Variants in ADCY8 observed in about 807,000 individuals in gnomAD.
The protein encoded by ADCY8 is adenylate cyclase 8.
In ADCY8, 51 loss-of-function variants were observed where a neutral mutation model predicts 119.7. That is an observed-to-expected ratio of 0.43 (90% CI 0.34 to 0.54). ADCY8 has a LOEUF of 0.54. Among genes scored for constraint, ADCY8 ranks in the 20% least tolerant of loss-of-function variants. ADCY8 has a pLI of 0.03. For synonymous variants in ADCY8, 665 were observed against 651.0 expected, an observed-to-expected ratio of 1.02 and a Z score of -0.33; for missense variants, 1,383 against 1,598.8, an observed-to-expected ratio of 0.87 and a Z score of 2.30.
Position 130,793,801 on chromosome 8 carries a change from C to G in ADCY8, c.3060+6625G>C, listed in dbSNP as rs573993753. On this transcript the variant is annotated intron_variant, in intron 15 of 17. Transcript: ENST00000286355. ...AAGATCATAAGTGCACCTCTCCCTT[C>G]CTTTTAAACAAACTTACATTTTATC... Among the ~76,000 whole-genome samples, 7 of 152,292 alleles carry G rather than the reference C, an allele frequency of 4.6e-5. No individual in the cohort carries two copies. In the South Asian group the frequency reaches 6.2e-4, roughly 14 times the overall value.
chr8:130,894,811 A>G (rs1819327646), intron 7 of ADCY8, among the ~76,000 whole-genome samples: 1 of 152,218 alleles, frequency 6.6e-6, no homozygotes, highest in South Asian at 2.1e-4. Flanking sequence ...GTGTTTGTGT[A>G]GAGCAGGAAA....
In ADCY8 at chr8:131,039,701, G is replaced by C; in HGVS notation, c.633C>G (p.Leu211=). 1 of 1,614,152 alleles carries C rather than the reference G, an allele frequency of 6.2e-7. No homozygotes were observed. The highest frequency in any genetic ancestry group is 1.1e-5 in the South Asian group (1 of 91,084). Residue 211 remains leucine, a synonymous_variant, in exon 1 of 18, where the codon CTC becomes CTG. Coordinates refer to ENST00000286355, the MANE Select transcript of ADCY8 (RefSeq NM_001115.3). The part of the protein sequence containing the change: ...LSLASAPMDP[L]KGILLGFFTG... ...TGAAGAAGCCCAGCAGGATGCCCTT[G>C]AGCGGGTCCATGGGGGCCGAGGCCA...
chr8:130,939,142 A>G (rs916151043), intron 4 of ADCY8, among the ~76,000 whole-genome samples: 7 of 152,108 alleles, frequency 4.6e-5, no homozygotes, highest in African/African-American at 1.7e-4. Flanking sequence ...ACAAACACCA[A>G]AAACAGCAAC....
intron 12 of ADCY8, among the ~76,000 whole-genome samples, chr8:130,835,087 G>A (rs1816944411): frequency 6.6e-6 from 1 of 152,112 alleles, no homozygotes; most frequent in Admixed American, 6.6e-5. Context: ...AGCCTTCTTG[G>A]ATTATCTTGG....
At chr8:130,870,526 C>G (rs996817045) in intron 8 of ADCY8, among the ~76,000 whole-genome samples, 3 of 152,120 alleles carry the variant, frequency 2.0e-5, no homozygotes, top group Non-Finnish European at 2.9e-5. Context: ...TTTCTTTTCT[C>G]TGGTCCTAAG....
chr8:131,031,324 C>T (rs939949433), intron 1 of ADCY8, among the ~76,000 whole-genome samples: 1 of 152,172 alleles, frequency 6.6e-6, no homozygotes, highest in Non-Finnish European at 1.5e-5. Flanking sequence ...GCTTTAATGG[C>T]TATCCATTGG....
chr8:130,921,663 G>T (rs1332824108), intron 5 of ADCY8, among the ~76,000 whole-genome samples: 1 of 151,984 alleles, frequency 6.6e-6, no homozygotes. Context: ...ATGTTGGTCA[G>T]ACTGGTCTCG....
chr8:130,942,782 A>G (rs1304284112), intron 4 of ADCY8, among the ~76,000 whole-genome samples: 1 of 152,216 alleles, frequency 6.6e-6, no homozygotes, highest in African/African-American at 2.4e-5. Context: ...TAGGACTATG[A>G]ATCTGTGTTT....
At chr8:130,869,642 C>T (rs1425927140) in intron 8 of ADCY8, among the ~76,000 whole-genome samples, 7 of 151,304 alleles carry the variant, frequency 4.6e-5, no homozygotes, top group Non-Finnish European at 8.9e-5. Context: ...CTCAGCCTCC[C>T]GAGTAGCTGG....
intron 5 of ADCY8, among the ~76,000 whole-genome samples, chr8:130,914,945 G>A (rs1256226619): frequency 6.6e-6 from 1 of 152,152 alleles, no homozygotes; most frequent in Non-Finnish European, 1.5e-5. Flanking sequence ...TGGCTTTCTG[G>A]GTTCACAGGC....
chr8:131,022,271 C>T (rs1227088560), intron 1 of ADCY8, among the ~76,000 whole-genome samples: 6 of 152,178 alleles, frequency 3.9e-5, no homozygotes, highest in Non-Finnish European at 8.8e-5. Context: ...TATCCCTCCC[C>T]TACCCTCCAC....
At position 130,849,676 on chromosome 8, in the gene ADCY8, C is replaced by G. The variant is rs373483413; in HGVS notation, c.2338G>C (p.Glu780Gln). Residue 780 changes from glutamate to glutamine, a missense_variant, in exon 10 of 18, where the codon GAG (glutamate) becomes CAG (glutamine). Glu to Gln is a conservative substitution (Grantham distance 29). Coordinates refer to ENST00000286355, the MANE Select transcript of ADCY8 (RefSeq NM_001115.3). ...ILRKTCCWINETYLARNVIIF... is the reference protein window; with the variant it reads ...ILRKTCCWINQTYLARNVIIF... ...ATGACGTTCCGGGCCAAATAGGTCT[C>G]ATTAATCCAACAGCAAGTTTTCCGG... 1 of 1,613,928 alleles carries G rather than the reference C, an allele frequency of 6.2e-7. No individual in the cohort carries two copies. Among genetic ancestry groups the G allele is most frequent in the Non-Finnish European group, 8.5e-7 (1 of 1,179,950 alleles).
intron 9 of ADCY8, among the ~76,000 whole-genome samples, chr8:130,855,465 T>C (rs144220564): frequency 9.7e-4 from 147 of 152,162 alleles, no homozygotes; most frequent in African/African-American, 3.3e-3. Flanking sequence ...GTTATGGGCT[T>C]CACCTTGAAT....
intron 12 of ADCY8, among the ~76,000 whole-genome samples, chr8:130,824,449 A>G (rs1192447254): frequency 1.3e-5 from 2 of 152,208 alleles, no homozygotes; most frequent in Non-Finnish European, 2.9e-5. Context: ...GGTATTTTTC[A>G]GTAGCTACAA....
At position 130,936,985 on chromosome 8, in the gene ADCY8, A is replaced by G. The variant is rs1160167221; in HGVS notation, c.1481+88T>C. 6 of 1,443,284 alleles carry G rather than the reference A, an allele frequency of 4.2e-6. No homozygotes were observed. The East Asian group carries it at 7.2e-5, about 17-fold the overall frequency. 89.4% of individuals were successfully genotyped at this position (1,443,284 alleles called of 1,614,324 possible). On this transcript the variant is annotated intron_variant, in intron 5 of 17. Transcript: ENST00000286355. ...GTCAAAAGGTTCTGCCTTTCACCAT[A>G]CATATGATTTACCACAAAGGGTAGG...
chr8:130,870,943 G>A (rs1361284550), intron 8 of ADCY8, among the ~76,000 whole-genome samples: 1 of 152,106 alleles, frequency 6.6e-6, no homozygotes, highest in Non-Finnish European at 1.5e-5. Context: ...TGGCGTTAAT[G>A]TAGTTCATAA....
intron 5 of ADCY8, among the ~76,000 whole-genome samples, chr8:130,920,617 A>G (rs1032900874): frequency 2.6e-5 from 4 of 152,210 alleles, no homozygotes; most frequent in Non-Finnish European, 4.4e-5. Flanking sequence ...GCTTTTGCAG[A>G]TGTTATTGCC....
intron 7 of ADCY8, among the ~76,000 whole-genome samples, chr8:130,896,660 G>C (rs1819401540): frequency 6.6e-6 from 1 of 152,064 alleles, no homozygotes; most frequent in Non-Finnish European, 1.5e-5. Context: ...TAGAGAAAAG[G>C]GTAAATCTCA....
chr8:130,984,035 G>T (rs553691893), intron 2 of ADCY8, among the ~76,000 whole-genome samples: 2 of 151,040 alleles, frequency 1.3e-5, no homozygotes, highest in East Asian at 3.9e-4. Context: ...TGGAATCCCT[G>T]CAGGGAGGAC....
Sources: gnomAD v4.1 joint callset for allele counts (sites outside exome capture counted in the v4.1 genomes callset) on GRCh38, gnomAD v4.1.1 for gene constraint, MANE v1.5 for transcripts, NCBI Gene and HGNC (gene_info 2026-07-23, HGNC 2026-07-21) for gene names.